Variants in SCPEP1 observed in about 807,000 individuals in gnomAD.
The protein encoded by SCPEP1 is serine carboxypeptidase 1, also known as retinoid-inducible serine carboxypeptidase.
In SCPEP1, 51 loss-of-function variants were observed where a neutral mutation model predicts 63.8. The observed-to-expected ratio is 0.80, with a 90% CI of 0.64 to 1.01. The LOEUF (loss-of-function observed/expected upper bound fraction) is 1.01. Among genes scored for constraint, SCPEP1 ranks in the 50% least tolerant of loss-of-function variants. SCPEP1 has a pLI of 0.00. For missense variants in SCPEP1, 499 were observed against 554.9 expected (o/e 0.90, Z 1.01); for synonymous variants, 204 against 207.8 (o/e 0.98, Z 0.16).
chr17:57,005,099 C>T (rs1386074276), intron 12 of SCPEP1, among the ~76,000 whole-genome samples: 2 of 152,184 alleles, frequency 1.3e-5, no homozygotes, highest in African/African-American at 4.8e-5. Flanking sequence ...CTTGGGGATG[C>T]AGAAATAAAC....
Position 56,985,438 on chromosome 17 carries a change from A to G in SCPEP1, c.286A>G (p.Ser96Gly). 1 of 1,614,176 alleles carries G rather than the reference A, an allele frequency of 6.2e-7. No individual in the cohort carries two copies. The highest frequency in any genetic ancestry group is 8.5e-7 in the Non-Finnish European group (1 of 1,180,004). The stretch of plus-strand genomic sequence containing the variant: ...CTTTGAGGAAATTGGGCCCCTTGAC[A>G]GTGATCTCAAACCACGGAAAACCAC... ...GNFEEIGPLD[S>G]DLKPRKTTWL... The change falls in exon 3 of 13, where the codon AGT becomes GGT. Residue 96 changes from serine (S) to glycine (G), a missense_variant. Coordinates refer to ENST00000262288, the MANE Select transcript of SCPEP1 (RefSeq NM_021626.3).
At chr17:56,996,929 A>G in intron 8 of SCPEP1, 33 bp from the exon 9 acceptor site, 1 of 1,489,710 alleles carries the variant, frequency 6.7e-7, no homozygotes, top group Non-Finnish European at 9.3e-7. Context: ...TAGGAAAATG[A>G]AACAAACAGC....
chr17:56,998,675 C>T (rs1360280071), intron 10 of SCPEP1, among the ~76,000 whole-genome samples, 177 bp downstream of exon 10: 1 of 152,144 alleles, frequency 6.6e-6, no homozygotes, highest in Non-Finnish European at 1.5e-5. Flanking sequence ...CAGTAAATGA[C>T]TTGTCAGGGC....
At chr17:56,980,060 C>T (rs185303425) in intron 1 of SCPEP1, among the ~76,000 whole-genome samples, 290 of 152,202 alleles carry the variant, frequency 1.9e-3, no homozygotes, top group Middle Eastern at 0.01. Context: ...TGAATATTCT[C>T]AGCCCCACTA....
intron 10 of SCPEP1, among the ~76,000 whole-genome samples, chr17:56,999,213 C>T (rs137968113): frequency 5.9e-5 from 9 of 152,274 alleles, no homozygotes; most frequent in Admixed American, 5.9e-4. Flanking sequence ...TGCAGGATGT[C>T]AGAGACACCC....
intron 5 of SCPEP1, among the ~76,000 whole-genome samples, chr17:56,989,116 A>G (rs1911310571): frequency 6.6e-6 from 1 of 152,002 alleles, no homozygotes; most frequent in Non-Finnish European, 1.5e-5. Context: ...CTTGAGCTCA[A>G]GGAGTTGAAG....
chr17:56,980,695 G>C (rs1201580849), intron 1 of SCPEP1, among the ~76,000 whole-genome samples: 3 of 149,568 alleles, frequency 2.0e-5, no homozygotes, highest in Non-Finnish European at 4.4e-5. Flanking sequence ...GGCTGAGGCA[G>C]GAGAATCGCT....
intron 6 of SCPEP1, among the ~76,000 whole-genome samples, chr17:56,992,440 C>T (rs906814881): frequency 6.6e-6 from 1 of 152,080 alleles, no homozygotes; most frequent in Non-Finnish European, 1.5e-5. Flanking sequence ...TTGTCAGATA[C>T]TGCTCTTTTG....
intron 10 of SCPEP1, 91 bp from the exon 11 acceptor site, chr17:57,000,764 G>A (rs1911714930): frequency 1.0e-5 from 15 of 1,452,178 alleles, no homozygotes; most frequent in Non-Finnish European, 1.3e-5. Context: ...GTCGTTGTTC[G>A]GTGCTGGAGC....
At chr17:56,982,607 C>T (rs112194641) in intron 2 of SCPEP1, 82 of 152,336 alleles carry the variant, frequency 5.4e-4, no homozygotes, top group African/African-American at 1.8e-3. Flanking sequence ...TCAGGCCTGC[C>T]GTCAGGGGCC....
At chr17:57,000,045 G>A (rs1273773861) in intron 10 of SCPEP1, among the ~76,000 whole-genome samples, 1 of 152,036 alleles carries the variant, frequency 6.6e-6, no homozygotes, top group Non-Finnish European at 1.5e-5. Context: ...AGCTACTTGG[G>A]AGGCTGAGGT....
At chr17:57,000,736 GA>G (rs1911713573) in intron 10 of SCPEP1, 118 bp from the exon 11 acceptor site, 2 of 1,188,392 alleles carry the variant, frequency 1.7e-6, no homozygotes, top group South Asian at 2.7e-5. Context: ...CCCTGTTTGT[GA>G]AGCATCTGTG....
At chr17:56,986,051 C>A in intron 3 of SCPEP1, among the ~76,000 whole-genome samples, 1 of 152,060 alleles carries the variant, frequency 6.6e-6, no homozygotes. Flanking sequence ...GGCAGAACTG[C>A]ACACCCACCC....
rs760597610 is a variant in SCPEP1 at position 57,001,001 on chromosome 17, T to C, written c.1132+9T>C. On this transcript the variant is annotated intron_variant, in intron 11 of 12. Transcript: ENST00000262288. ...CATCGTAGATACCATGGGTAGGAAT[T>C]GACTCTGAGAGGCACCTAGAGGCAG... 1.4e-5 allele frequency: 22 copies of C among 1,614,026 alleles called. No homozygotes were observed. Among genetic ancestry groups the C allele is most frequent in the Non-Finnish European group, 1.9e-5 (22 of 1,180,022 alleles).
At position 56,987,676 on chromosome 17, in the gene SCPEP1, T is replaced by A. The variant is rs767048582; in HGVS notation, c.316-19T>A. On this transcript the variant is annotated intron_variant, in intron 3 of 12. Transcript: ENST00000262288. ...CAAATGTCTGATTGCAACATTTCGT[T>A]TTCCTCCGTGGTACATAGCTCCAGG... 1.9e-6 allele frequency: 3 copies of A among 1,606,010 alleles called. No homozygotes were observed. Among genetic ancestry groups the A allele is most frequent in the Non-Finnish European group, 2.5e-6 (3 of 1,176,596 alleles).
intron 6 of SCPEP1, among the ~76,000 whole-genome samples, chr17:56,993,911 T>C (rs976182719): frequency 6.6e-6 from 1 of 152,192 alleles, no homozygotes; most frequent in South Asian, 2.1e-4. Flanking sequence ...GTGGGATGCA[T>C]TGGAGAACTG....
rs1336001017 is a variant in SCPEP1, at chr17:56,995,417, CCT to C, written c.658-87_658-86del. 1.6e-5 allele frequency: 23 copies of C among 1,396,180 alleles called. 1 individual carries two copies. The highest frequency in any genetic ancestry group is 5.4e-5 in the South Asian group (4 of 73,910). The allele number at this position is 1,396,180 out of a possible 1,614,324, so 86.5% of individuals were successfully genotyped here. ...GTGAGCTCCCGTTCTCCTTCCTTCC[CCT>C]CTTTCTCCTACCCCTCCCTAACTGC... is the stretch of plus-strand genomic sequence containing the variant. On this transcript the variant is annotated intron_variant, in intron 7 of 12. Coordinates refer to ENST00000262288, the MANE Select transcript of SCPEP1 (RefSeq NM_021626.3).
chr17:56,998,119 T>G lies in SCPEP1; in HGVS notation c.881-266T>G, dbSNP rs1197964804. ...TGAGGACAAGAGATCGAGACCATCC[T>G]GGCCAACATGGTGAAACCCTGTCTC... is the stretch of plus-strand genomic sequence containing the variant. On this transcript the variant is annotated intron_variant, in intron 9 of 12. Coordinates refer to ENST00000262288, the MANE Select transcript of SCPEP1 (RefSeq NM_021626.3). 3 of 349,170 alleles carry G rather than the reference T, an allele frequency of 8.6e-6. No individual in the cohort carries two copies. The East Asian group carries it at 2.0e-4, about 24-fold the overall frequency. 21.6% of individuals were successfully genotyped at this position (349,170 alleles called of 1,614,324 possible). A position where few individuals can be genotyped will look rare whatever the true frequency, so the allele number is the denominator to read the frequency against.
At chr17:57,003,908 C>G (rs1911811620) in intron 12 of SCPEP1, among the ~76,000 whole-genome samples, 1 of 152,126 alleles carries the variant, frequency 6.6e-6, no homozygotes, top group East Asian at 1.9e-4. Context: ...TCAAAAGACA[C>G]TTAATCTAGG....
Sources: allele counts gnomAD v4.1 joint callset (sites outside exome capture counted in the v4.1 genomes callset), GRCh38; gene constraint gnomAD v4.1.1; transcripts MANE v1.5; gene names NCBI Gene and HGNC (gene_info 2026-07-23, HGNC 2026-07-21).